ATP13A2: variants seen among roughly 807,000 people sequenced by gnomAD.
ATP13A2 encodes polyamine-transporting ATPase 13A2.
A neutral mutation model predicts 138.3 loss-of-function variants in ATP13A2; 83 were observed. The ratio of observed to expected loss-of-function variants is 0.60; its 90% CI spans 0.50 to 0.72. The LOEUF (loss-of-function observed/expected upper bound fraction) is 0.72, where lower values mean the gene tolerates loss of function less well. Among genes scored for constraint, ATP13A2 ranks in the 30% least tolerant of loss-of-function variants. ATP13A2 has a pLI of 0.00. For synonymous variants in ATP13A2, 663 were observed against 699.0 expected (o/e 0.95, Z 0.81); for missense variants, 1,402 against 1,606.4 (o/e 0.87, Z 2.17).
chr1:16,987,700 G>A (rs2076786989), intron 25 of ATP13A2, among the ~76,000 whole-genome samples: 1 of 152,222 alleles, frequency 6.6e-6, no homozygotes. Context: ...CGCTGGGGGT[G>A]AGCAGGCCAT....
Position 16,990,280 on chromosome 1 carries a change from G to A in ATP13A2, c.2259C>T (p.Asn753=), listed in dbSNP as rs1183403236. 6.2e-7 allele frequency: 1 copy of A among 1,613,920 alleles called. No individual in the cohort carries two copies. The highest frequency in any genetic ancestry group is 8.5e-7 in the Non-Finnish European group (1 of 1,180,036). Residue 753 remains asparagine, a synonymous_variant, in exon 21 of 29, where the codon AAC becomes AAT. Transcript: ENST00000326735. ...GGGCCACAGTCACCGCTGTCTGCAG[G>A]TTGTCCCCTGGGGGTTATGGGGCAA... ...RIRAVMVTGD[N]LQTAVTVARG... is the part of the protein sequence containing the mutation.
rs1346827451 is a variant in ATP13A2, at chr1:17,005,415, C to T, written c.247G>A (p.Ala83Thr). Reference sequence around the variant, plus strand: ...TCGATAACGAGTGTTTCGGCGTGGGCCAGGTTGCAGGGCCGGAGCCGCAGC... The same window carrying T: ...TCGATAACGAGTGTTTCGGCGTGGGTCAGGTTGCAGGGCCGGAGCCGCAGC... ...VRLRLRPCNL[A>T]HAETLVIEIR... is the part of the protein sequence containing the mutation. Residue 83 changes from alanine to threonine, a missense_variant, in exon 3 of 29, where the codon GCC becomes ACC. Ala to Thr is a moderately conservative substitution (Grantham distance 58, BLOSUM62 0). Transcript: ENST00000326735. The T allele has an allele frequency of 6.2e-7, 1 of 1,612,524 alleles. No individual in the cohort carries two copies. The highest frequency in any genetic ancestry group is 1.1e-5 in the South Asian group (1 of 90,870).
rs558893758 is a variant in ATP13A2 at position 17,004,982 on chromosome 1, G to A, written c.347+32C>T. ...AGTTGGGGAGGCCAGGGTAGCAGGGGCTTCTGGGAAGGGGCAATGGGGCTG... is the reference window on the plus strand; with the variant it reads ...AGTTGGGGAGGCCAGGGTAGCAGGGACTTCTGGGAAGGGGCAATGGGGCTG... On this transcript the variant is annotated intron_variant, in intron 4 of 28. Transcript: ENST00000326735. The surrounding 1 kb of genome is among the most constrained non-coding windows in gnomAD (Gnocchi z 4.1). The A allele has an allele frequency of 3.3e-5, 53 of 1,613,304 alleles. No homozygotes were observed. Among genetic ancestry groups the A allele is most frequent in the Non-Finnish European group, 4.2e-5 (49 of 1,179,936 alleles).
chr1:17,007,191 C>T (rs1389137140), intron 1 of ATP13A2, among the ~76,000 whole-genome samples: 1 of 152,028 alleles, frequency 6.6e-6, no homozygotes, highest in Admixed American at 6.6e-5. Context: ...ACATTCTTTT[C>T]ACTCCTTCCT....
chr1:17,002,366 C>T lies in ATP13A2; in HGVS notation c.565G>A (p.Asp189Asn). Residue 189 changes from aspartate to asparagine, a missense_variant, in exon 7 of 29, where the codon GAC (aspartate) becomes AAC (asparagine). Transcript: ENST00000326735. ...ACGTCGTCACAAGAGCGGCCATGGT[C>T]CAGGAGGCTGGGGGTGGGTGCGAGG... ...QQAFYQVSLL[D>N]HGRSCDDVHR... 6.2e-7 allele frequency: 1 copy of T among 1,613,034 alleles called. No homozygotes were observed. The highest frequency in any genetic ancestry group is 8.5e-7 in the Non-Finnish European group (1 of 1,179,770).
Position 16,996,226 on chromosome 1 carries a change from C to A in ATP13A2, c.1353+28G>T, listed in dbSNP as rs375135166. On this transcript the variant is annotated intron_variant, in intron 14 of 28. Transcript: ENST00000326735. ...GTTGGCCCCTGGGCCCTGCTGGCAG[C>A]ACCCCCCACCCCACCCCCAAGGCTT... 4.3e-6 allele frequency: 7 copies of A among 1,614,122 alleles called. No homozygotes were observed. In the African/African-American group the frequency reaches 6.7e-5, roughly 15 times the overall value.
Position 17,004,948 on chromosome 1 carries a change from G to A in ATP13A2, c.347+66C>T. 3 of 1,612,088 alleles carry A rather than the reference G, an allele frequency of 1.9e-6. No homozygotes were observed. In the South Asian group the frequency reaches 3.3e-5, roughly 18 times the overall value. The stretch of plus-strand genomic sequence containing the variant: ...AGTCAGCCTTTATGGGGGGGCCGAG[G>A]GTTGGGGAAGTTGGGGAGGCCAGGG... On this transcript the variant is annotated intron_variant, in intron 4 of 28. Transcript: ENST00000326735. This position sits in a 1 kb window ranked among gnomAD's most constrained non-coding sequence, Gnocchi z 4.1.
chr1:16,992,401 T>G lies in ATP13A2; in HGVS notation c.1847A>C (p.Glu616Ala), dbSNP rs558165485. ...GACGCTGACTGGCACCGGGGGCTCCTCCTGCAGGGTTGGAGAGGCAGCTGA... is the reference window on the plus strand; with the variant it reads ...GACGCTGACTGGCACCGGGGGCTCCGCCTGCAGGGTTGGAGAGGCAGCTGA... ...PLWEPQLQAM[E>A]EPPVPVSVLH... The change falls in exon 18 of 29, where the codon GAG becomes GCG. Residue 616 changes from glutamate (E) to alanine (A), a missense_variant and splice_region_variant. Glu to Ala is a moderately radical substitution (Grantham distance 107). Coordinates refer to ENST00000326735, the MANE Select transcript of ATP13A2 (RefSeq NM_022089.4). The G allele has an allele frequency of 4.8e-5, 77 of 1,613,768 alleles. No individual in the cohort carries two copies. In the South Asian group the frequency reaches 6.0e-4, roughly 13 times the overall value.
rs1174377840 is a variant in ATP13A2, at chr1:16,986,264, G to A, written c.3500C>T (p.Ala1167Val). The change falls in exon 29 of 29, where the codon GCC becomes GTC. Residue 1167 changes from alanine to valine, a missense_variant. Ala to Val is a moderately conservative substitution (Grantham distance 64). Transcript: ENST00000326735. This position sits in a 1 kb window ranked among gnomAD's most constrained non-coding sequence, Gnocchi z 6.9. ...GGGCAGCGGCGGCCAGGGCTGCTCG[G>A]CCAGCTCTCGTTCCAGCTGCTTGAA... The part of the protein sequence containing the change: ...KRFKQLEREL[A>V]EQPWPPLPAG... 4 of 1,607,256 alleles carry A rather than the reference G, an allele frequency of 2.5e-6. No homozygotes were observed. Among genetic ancestry groups the A allele is most frequent in the Non-Finnish European group, 3.4e-6 (4 of 1,177,628 alleles).
rs1269279941 is a variant in ATP13A2, at chr1:16,993,716, T to A, written c.1662A>T (p.Ala554=). The change falls in exon 16 of 29, where the codon GCA becomes GCT. Residue 554 remains alanine (A), a synonymous_variant. Transcript: ENST00000326735. ...GGCTGAGGGCATGGCAGGTGGCCAGTGCTCGGAGCAGGGGCCCCACAGGCA... is the reference window on the plus strand; with the variant it reads ...GGCTGAGGGCATGGCAGGTGGCCAGAGCTCGGAGCAGGGGCCCCACAGGCA... ...RRLPVGPLLR[A]LATCHALSRL... The A allele has an allele frequency of 1.9e-6, 3 of 1,593,644 alleles. No individual in the cohort carries two copies. Among genetic ancestry groups the A allele is most frequent in the Admixed American group, 3.5e-5 (2 of 57,126 alleles).
intron 8 of ATP13A2, among the ~76,000 whole-genome samples, chr1:17,001,702 G>C (rs1389368059): frequency 1.3e-5 from 2 of 152,188 alleles, no homozygotes; most frequent in Admixed American, 1.3e-4. Context: ...TTGGGAGCAT[G>C]AAAGTGGAGG....
chr1:17,000,753 G>A, intron 8 of ATP13A2: 2 of 603,752 alleles, frequency 3.3e-6, no homozygotes, highest in African/African-American at 1.8e-5. Flanking sequence ...ACCAGCCTGG[G>A]CAACATGGCG....
Position 17,004,510 on chromosome 1 carries a change from A to C in ATP13A2, c.478-99T>G. 6.5e-7 allele frequency: 1 copy of C among 1,527,670 alleles called. No individual in the cohort carries two copies. Among genetic ancestry groups the C allele is most frequent in the Non-Finnish European group, 9.0e-7 (1 of 1,113,238 alleles). 94.6% of individuals were successfully genotyped at this position (1,527,670 alleles called of 1,614,324 possible). A position where few individuals can be genotyped will look rare whatever the true frequency, so the allele number is the denominator to read the frequency against. The stretch of plus-strand genomic sequence containing the variant: ...CGAGGGATGGGGGTAGGGGGCAGGG[A>C]CTGGTGTCACCAGACAGAGAGGTGG... On this transcript the variant is annotated intron_variant, in intron 5 of 28. Coordinates refer to ENST00000326735, the MANE Select transcript of ATP13A2 (RefSeq NM_022089.4). The surrounding 1 kb of genome is among the most constrained non-coding windows in gnomAD (Gnocchi z 4.1).
intron 8 of ATP13A2, among the ~76,000 whole-genome samples, chr1:17,001,024 T>C (rs9435668): frequency 0.024 from 3,635 of 152,200 alleles, 122 homozygotes; most frequent in African/African-American, 0.083. Context: ...CTAAGTGTCA[T>C]ACAATGGCAA....
At chr1:16,989,837 G>A (rs1348419760) in intron 22 of ATP13A2, 50 bp downstream of exon 22, 1 of 1,611,448 alleles carries the variant, frequency 6.2e-7, no homozygotes, top group Admixed American at 1.7e-5. Flanking sequence ...TGAGGAAGGA[G>A]ACAGAGCAGG....
rs1041231423 is a variant in ATP13A2 at position 16,993,630 on chromosome 1, C to A, written c.1748G>T (p.Trp583Leu). 5 of 1,581,822 alleles carry A rather than the reference C, an allele frequency of 3.2e-6. No homozygotes were observed. The highest frequency in any genetic ancestry group is 4.3e-6 in the Non-Finnish European group (5 of 1,164,216). Residue 583 changes from tryptophan to leucine, a missense_variant and splice_region_variant, in exon 16 of 29, where the codon TGG becomes TTG. Physicochemically the swap from Trp to Leu is moderately conservative, Grantham distance 61. Coordinates refer to ENST00000326735, the MANE Select transcript of ATP13A2 (RefSeq NM_022089.4). ...MDLKMVESTGWVLEEEPAADS... is the reference protein window; with the variant it reads ...MDLKMVESTGLVLEEEPAADS... Reference sequence around the variant, plus strand: ...GGCTGACCTGCTTGGCCTCCTCACCCAGCCAGTAGACTCCACCATCTTCAA... The same window carrying A: ...GGCTGACCTGCTTGGCCTCCTCACCAAGCCAGTAGACTCCACCATCTTCAA...
chr1:16,997,091 A>G lies in ATP13A2; in HGVS notation c.1124T>C (p.Phe375Ser). Residue 375 changes from phenylalanine to serine, a missense_variant, in exon 12 of 29, where the codon TTC becomes TCC. By Grantham distance (155) the Phe-to-Ser change is radical (BLOSUM62 -2). Coordinates refer to ENST00000326735, the MANE Select transcript of ATP13A2 (RefSeq NM_022089.4). ...CAETHRRHTL[F>S]CGTLILQARA... ...GGCCTGCAAGATGAGGGTCCCGCAG[A>G]AGAGTGTGTGCCGCCGGTGTGTCTC... 1 of 1,613,680 alleles carries G rather than the reference A, an allele frequency of 6.2e-7. No homozygotes were observed. The highest frequency in any genetic ancestry group is 2.2e-5 in the East Asian group (1 of 44,880).
chr1:16,997,105 C>A lies in ATP13A2; in HGVS notation c.1110G>T (p.Arg370=), dbSNP rs780796359. Residue 370 remains arginine (R), a synonymous_variant, in exon 12 of 29, where the codon CGG becomes CGT. Coordinates refer to ENST00000326735, the MANE Select transcript of ATP13A2 (RefSeq NM_022089.4). ...GGGTCCCGCAGAAGAGTGTGTGCCG[C>A]CGGTGTGTCTCTGCACAGTAGGGCC... ...GLGPYCAETH[R]RHTLFCGTLI... 1.9e-6 allele frequency: 3 copies of A among 1,613,780 alleles called. No individual in the cohort carries two copies. The Admixed American group carries it at 5.0e-5, about 27-fold the overall frequency.
chr1:16,992,666 T>A, intron 16 of ATP13A2, 85 bp from the exon 17 acceptor site: 1 of 1,387,848 alleles, frequency 7.2e-7, no homozygotes, highest in Admixed American at 1.7e-5. Flanking sequence ...ACTTCCTTCA[T>A]GGGAGACTGA....
Sources: gnomAD v4.1 joint callset for allele counts (sites outside exome capture counted in the v4.1 genomes callset) on GRCh38, gnomAD v4.1.1 for gene constraint, Gnocchi (gnomAD v3.1) non-coding constraint, MANE v1.5 for transcripts, NCBI Gene and HGNC (gene_info 2026-07-23, HGNC 2026-07-21) for gene names.